ATP10B: variants seen among roughly 807,000 people sequenced by gnomAD.
The protein encoded by ATP10B is phospholipid-transporting ATPase VB.
ATP10B carries 122 observed loss-of-function variants against 141.2 expected under a neutral mutation model. The ratio of observed to expected loss-of-function variants is 0.86; its 90% CI spans 0.75 to 1.00. The LOEUF (loss-of-function observed/expected upper bound fraction) is 1.00, where lower values mean the gene tolerates loss of function less well. ATP10B is among the 50% of genes least tolerant of loss of function. The pLI is 0.00. For synonymous variants in ATP10B, 685 were observed against 692.0 expected (o/e 0.99, Z 0.16); for missense variants, 1,876 against 1,825.3 (o/e 1.03, Z -0.51).
chr5:160,913,012 A>T, the ATP10B span, among the ~76,000 whole-genome samples: 3 of 152,244 alleles, frequency 2.0e-5, no homozygotes, highest in African/African-American at 7.2e-5. Context: ...TAGTGTCCCA[A>T]TGTTTCTCAT....
intron 24 of ATP10B, among the ~76,000 whole-genome samples, chr5:160,581,312 C>G (rs1755535276): frequency 6.6e-6 from 1 of 152,212 alleles, no homozygotes; most frequent in African/African-American, 2.4e-5. Context: ...CCTCTAAACA[C>G]TGCTTTAGCT....
rs577802951 is a variant in ATP10B, at chr5:160,740,861, C to A, written c.-330-23827G>T. ...TTTGGATCTTTGACTGACCTCCATC[C>A]CCAACCTATTGTCAATCTGCTTTGG... is the stretch of plus-strand genomic sequence containing the variant. On this transcript the variant is annotated intron_variant, in intron 2 of 25. Coordinates refer to ENST00000327245, the MANE Select transcript of ATP10B (RefSeq NM_025153.3). Among the ~76,000 whole-genome samples the A allele has an allele frequency of 3.9e-5, 6 of 152,258 alleles. No homozygotes were observed. The South Asian group carries it at 1.2e-3, about 32-fold the overall frequency.
the ATP10B span, among the ~76,000 whole-genome samples, chr5:160,897,711 A>G: frequency 1.3e-5 from 2 of 152,220 alleles, no homozygotes; most frequent in African/African-American, 2.4e-5. Flanking sequence ...ATATGGAACT[A>G]AAAAAGAGCT....
At chr5:160,775,541 C>T (rs1376649438) in intron 2 of ATP10B, among the ~76,000 whole-genome samples, 1 of 152,070 alleles carries the variant, frequency 6.6e-6, no homozygotes, top group Non-Finnish European at 1.5e-5. Flanking sequence ...ATCTCCAATC[C>T]CAGTCTCAAG....
chr5:160,890,652 G>A, the ATP10B span, among the ~76,000 whole-genome samples: 1 of 152,138 alleles, frequency 6.6e-6, no homozygotes, highest in South Asian at 2.1e-4. Flanking sequence ...CCATTGTACT[G>A]ATATGCCATA....
chr5:160,884,718 T>C, the ATP10B span, among the ~76,000 whole-genome samples: 1 of 152,126 alleles, frequency 6.6e-6, no homozygotes, highest in African/African-American at 2.4e-5. Flanking sequence ...TTAAAAAATT[T>C]AAGTGAAAAG....
chr5:160,729,787 A>G (rs80143056), intron 2 of ATP10B, among the ~76,000 whole-genome samples: 1,734 of 152,238 alleles, frequency 0.011, 32 homozygotes, highest in African/African-American at 0.039. Context: ...GGTGGGTTGT[A>G]GAGTGAGGTG....
At chr5:160,716,833 A>G in intron 3 of ATP10B, 76 bp downstream of exon 3, 5 of 904,822 alleles carry the variant, frequency 5.5e-6, no homozygotes, top group Non-Finnish European at 5.3e-6. Flanking sequence ...CCAAAGGACT[A>G]TTGGAGCTAC....
intron 7 of ATP10B, among the ~76,000 whole-genome samples, chr5:160,653,108 A>G (rs1234889829): frequency 1.6e-5 from 2 of 128,152 alleles, no homozygotes; most frequent in African/African-American, 2.9e-5. Flanking sequence ...GTGTATATAT[A>G]ACATATACAT....
intron 1 of ATP10B, among the ~76,000 whole-genome samples, chr5:160,820,840 A>G (rs1167552155): frequency 2.0e-5 from 3 of 152,132 alleles, no homozygotes. Context: ...AATATTCAAC[A>G]TCCCTTTATG....
At chr5:160,779,833 A>AG (rs143389024) in intron 2 of ATP10B, among the ~76,000 whole-genome samples, 2,419 of 152,314 alleles carry the variant, frequency 0.016, 64 homozygotes, top group African/African-American at 0.055. Flanking sequence ...GCTGTATACA[A>AG]GCTCAGTAAA....
chr5:160,856,359 A>G (rs1206829811), upstream of ATP10B, among the ~76,000 whole-genome samples: 5 of 151,942 alleles, frequency 3.3e-5, no homozygotes, highest in East Asian at 1.9e-4. Flanking sequence ...TTTATCTTGT[A>G]TTCTGCAATT....
intron 10 of ATP10B, among the ~76,000 whole-genome samples, chr5:160,639,780 T>C (rs1395789580): frequency 6.6e-6 from 1 of 152,242 alleles, no homozygotes; most frequent in Non-Finnish European, 1.5e-5. Context: ...TACAGTGCAC[T>C]TTATTTCTAT....
At chr5:160,585,239 G>A (rs950283346) in intron 24 of ATP10B, among the ~76,000 whole-genome samples, 1 of 152,144 alleles carries the variant, frequency 6.6e-6, no homozygotes, top group African/African-American at 2.4e-5. Context: ...TTTTGCCAGT[G>A]TCTGATCTAG....
intron 2 of ATP10B, among the ~76,000 whole-genome samples, chr5:160,719,357 G>A (rs1765858165): frequency 6.6e-6 from 1 of 152,338 alleles, no homozygotes; most frequent in African/African-American, 2.4e-5. Flanking sequence ...CCGAGATCGC[G>A]CCGTTGCACT....
At chr5:160,789,002 C>T (rs913458764) in intron 1 of ATP10B, among the ~76,000 whole-genome samples, 12 of 152,148 alleles carry the variant, frequency 7.9e-5, no homozygotes, top group African/African-American at 2.9e-4. Context: ...GAGATGAATT[C>T]TGACTAGGGC....
intron 24 of ATP10B, 48 bp downstream of exon 24, chr5:160,589,544 A>G: frequency 7.0e-7 from 1 of 1,423,120 alleles, no homozygotes; most frequent in Non-Finnish European, 9.9e-7. Context: ...AGTATAGTCA[A>G]TGGGCAGGAG....
At chr5:160,832,221 GC>G (rs1775133928) in intron 1 of ATP10B, among the ~76,000 whole-genome samples, 1 of 152,208 alleles carries the variant, frequency 6.6e-6, no homozygotes, top group East Asian at 1.9e-4. Context: ...CAGGAAATCA[GC>G]CTTAGAAATA....
chr5:160,598,416 T>A (rs1756874619), intron 22 of ATP10B, among the ~76,000 whole-genome samples: 1 of 151,832 alleles, frequency 6.6e-6, no homozygotes, highest in African/African-American at 2.4e-5. Context: ...AGGGATAGCA[T>A]TAGGAGATAT....
Sources: gnomAD v4.1 joint callset for allele counts (sites outside exome capture counted in the v4.1 genomes callset) on GRCh38, gnomAD v4.1.1 for gene constraint, MANE v1.5 for transcripts, NCBI Gene and HGNC (gene_info 2026-07-23, HGNC 2026-07-21) for gene names.